The following RGS6 variants were observed in gnomAD, a reference collection of about 807,000 sequenced individuals.
RGS6 encodes the protein regulator of G protein signaling 6.
Under a neutral mutation model 78.5 loss-of-function variants are expected in RGS6, and 30 were observed. That is an observed-to-expected ratio of 0.38 (90% CI 0.29 to 0.52). RGS6 has a LOEUF of 0.52. RGS6 is among the 20% of genes least tolerant of loss of function. The probability of loss-of-function intolerance (pLI) is 0.85; values close to 1 mark genes in which losing one functional copy is unlikely to be tolerated. For synonymous variants in RGS6, 206 were observed against 206.0 expected (o/e 1.00, Z 0.00); for missense variants, 495 against 609.7 (o/e 0.81, Z 1.98).
intron 2 of RGS6, among the ~76,000 whole-genome samples, chr14:71,969,332 T>C (rs1292097233): frequency 4.6e-5 from 7 of 152,214 alleles, no homozygotes; most frequent in East Asian, 1.9e-4. Flanking sequence ...AGATTGCTTT[T>C]GAGTAAGAGT....
At chr14:71,914,800 A>C in the RGS6 span, among the ~76,000 whole-genome samples, 1 of 151,770 alleles carries the variant, frequency 6.6e-6, no homozygotes, top group East Asian at 1.9e-4. Flanking sequence ...AAAATGCTTT[A>C]CTTCTATTTG....
At chr14:72,549,784 C>A in intron 17 of RGS6, among the ~76,000 whole-genome samples, 1 of 152,162 alleles carries the variant, frequency 6.6e-6, no homozygotes, top group African/African-American at 2.4e-5. Flanking sequence ...ATCACTAGAA[C>A]AAGGGAGGCG....
intron 6 of RGS6, among the ~76,000 whole-genome samples, chr14:72,461,617 A>G (rs540597405): frequency 4.6e-5 from 7 of 152,252 alleles, no homozygotes; most frequent in African/African-American, 1.4e-4. Context: ...ACTTGAGCCC[A>G]GGAGTTCAAA....
At chr14:72,283,082 C>G (rs1297384649) in intron 2 of RGS6, among the ~76,000 whole-genome samples, 1 of 152,186 alleles carries the variant, frequency 6.6e-6, no homozygotes, top group African/African-American at 2.4e-5. Flanking sequence ...CCAAGCTTAT[C>G]TATATTGTCA....
chr14:72,529,717 T>C (rs918715413), intron 15 of RGS6, among the ~76,000 whole-genome samples: 4 of 152,192 alleles, frequency 2.6e-5, no homozygotes, highest in African/African-American at 9.7e-5. Flanking sequence ...ATCTTTCCAC[T>C]TTGATGAGGA....
At chr14:71,877,103 T>G in the RGS6 span, among the ~76,000 whole-genome samples, 3 of 152,230 alleles carry the variant, frequency 2.0e-5, no homozygotes, top group South Asian at 2.1e-4. Context: ...TGGCTGCTCT[T>G]AATATTTTTT....
intron 2 of RGS6, among the ~76,000 whole-genome samples, chr14:72,078,298 T>C (rs2094668351): frequency 6.6e-6 from 1 of 152,126 alleles, no homozygotes; most frequent in Non-Finnish European, 1.5e-5. Context: ...TCCTGAGGCC[T>C]CTCCAGAAGC....
intron 3 of RGS6, among the ~76,000 whole-genome samples, chr14:72,374,103 A>T (rs1257061026): frequency 6.6e-6 from 1 of 152,286 alleles, no homozygotes; most frequent in South Asian, 2.1e-4. Context: ...TTCTTTTTTT[A>T]AAATACTTTA....
chr14:72,536,860 T>G (rs1435258048), intron 16 of RGS6, among the ~76,000 whole-genome samples: 8 of 152,108 alleles, frequency 5.3e-5, no homozygotes, highest in African/African-American at 9.7e-5. Context: ...AACCAAGAAG[T>G]AACTGCACCC....
At chr14:72,249,530 G>A (rs1478672404) in intron 2 of RGS6, among the ~76,000 whole-genome samples, 1 of 152,178 alleles carries the variant, frequency 6.6e-6, no homozygotes, top group Admixed American at 6.5e-5. Context: ...GCATATTCTG[G>A]TTTCCTACAA....
At chr14:71,974,977 A>G (rs1478246339) in intron 2 of RGS6, among the ~76,000 whole-genome samples, 1 of 152,156 alleles carries the variant, frequency 6.6e-6, no homozygotes, top group Non-Finnish European at 1.5e-5. Flanking sequence ...ACATCTCTAC[A>G]AAAAGAAAGA....
At chr14:72,108,727 C>A (rs1390014888) in intron 2 of RGS6, among the ~76,000 whole-genome samples, 1 of 152,008 alleles carries the variant, frequency 6.6e-6, no homozygotes, top group African/African-American at 2.4e-5. Context: ...ATTTCTAATT[C>A]TTTTCTAAGC....
chr14:71,892,338 G>T, the RGS6 span, among the ~76,000 whole-genome samples: 1 of 152,178 alleles, frequency 6.6e-6, no homozygotes, highest in East Asian at 1.9e-4. Flanking sequence ...ATCCTTCCTT[G>T]TTTTAAAAAT....
At chr14:72,138,022 A>G (rs1185581825) in intron 2 of RGS6, among the ~76,000 whole-genome samples, 1 of 152,130 alleles carries the variant, frequency 6.6e-6, no homozygotes, top group Non-Finnish European at 1.5e-5. Context: ...CCCTAATACT[A>G]TACAAAAGGA....
chr14:72,245,790 G>A (rs2153831956), intron 2 of RGS6, among the ~76,000 whole-genome samples: 1 of 152,332 alleles, frequency 6.6e-6, no homozygotes, highest in East Asian at 1.9e-4. Context: ...TTTTATGCTA[G>A]CTTGAGTGAA....
Position 72,203,534 on chromosome 14 carries a change from T to C in RGS6, c.85-148561T>C, listed in dbSNP as rs114307765. Among the ~76,000 whole-genome samples, 1,342 of 152,264 alleles carry C rather than the reference T, an allele frequency of 8.8e-3. 17 individuals are homozygous for C. The highest frequency in any genetic ancestry group is 0.031 in the African/African-American group (1,271 of 41,530). ...AAGGACCTGCTTTCAAGCTCACACA[T>C]GTGGTTGTTGGCTGGCCTCAAATCC... On this transcript the variant is annotated intron_variant, in intron 2 of 17. Transcript: ENST00000553525.
the RGS6 span, among the ~76,000 whole-genome samples, chr14:71,889,458 A>T: frequency 8.1e-4 from 123 of 152,184 alleles, no homozygotes; most frequent in African/African-American, 2.8e-3. Flanking sequence ...GAGTCAGCGA[A>T]GGGGGATTTT....
chr14:71,881,728 T>C, the RGS6 span, among the ~76,000 whole-genome samples: 1 of 152,296 alleles, frequency 6.6e-6, no homozygotes, highest in African/African-American at 2.4e-5. Context: ...TTATCAGCAG[T>C]GTGAGAATGG....
intron 2 of RGS6, among the ~76,000 whole-genome samples, chr14:72,270,010 GC>G (rs1220327142): frequency 2.0e-5 from 3 of 152,228 alleles, no homozygotes; most frequent in Admixed American, 2.0e-4. Context: ...ACAACAAAAA[GC>G]TAGAATTTGT....
Sources: gnomAD v4.1 joint callset for allele counts (sites outside exome capture counted in the v4.1 genomes callset) on GRCh38, gnomAD v4.1.1 for gene constraint, MANE v1.5 for transcripts, NCBI Gene and HGNC (gene_info 2026-07-23, HGNC 2026-07-21) for gene names.